LAMC2: variants seen among roughly 807,000 people sequenced by gnomAD.
LAMC2 encodes the protein laminin subunit gamma 2.
Under a neutral mutation model 140.2 loss-of-function variants are expected in LAMC2, and 97 were observed. That is an observed-to-expected ratio of 0.69 (90% CI 0.59 to 0.82). LAMC2 has a LOEUF of 0.82. Among genes scored for constraint, LAMC2 ranks in the 40% least tolerant of loss-of-function variants. The pLI is 0.00. For missense variants in LAMC2, 1,402 were observed against 1,476.1 expected (o/e 0.95, Z 0.82); for synonymous variants, 513 against 540.2 (o/e 0.95, Z 0.70).
At chr1:183,222,026 T>C (rs2102222003) in intron 5 of LAMC2, 63 bp from the exon 6 acceptor site, 2 of 1,609,222 alleles carry the variant, frequency 1.2e-6, no homozygotes, top group Non-Finnish European at 1.7e-6. Context: ...CAAATCTTTC[T>C]TTGTTTAACT....
Position 183,232,277 on chromosome 1 carries a change from G to T in LAMC2, c.1948G>T (p.Glu650Ter). Reference sequence around the variant, plus strand: ...TGGAGTAGTACCTGATACAGAGCTGGAAGGCAGGATGCAGCAGGCTGAGCA... The same window carrying T: ...TGGAGTAGTACCTGATACAGAGCTGTAAGGCAGGATGCAGCAGGCTGAGCA... Reference protein sequence around the residue: ...GDGVVPDTELEGRMQQAEQAL... With the variant: ...GDGVVPDTEL Residue 650 changes from glutamate (E) to a stop codon, truncating the protein, a stop_gained, in exon 13 of 23, where the codon GAA (glutamate) becomes TAA (stop). Coordinates refer to ENST00000264144, the MANE Select transcript of LAMC2 (RefSeq NM_005562.3). LOFTEE classifies it high-confidence loss of function. 6.2e-7 allele frequency: 1 copy of T among 1,614,088 alleles called. No individual in the cohort carries two copies.
intron 22 of LAMC2, among the ~76,000 whole-genome samples, chr1:183,241,724 C>G (rs895898990): frequency 2.0e-5 from 3 of 151,676 alleles, no homozygotes; most frequent in African/African-American, 7.3e-5. Flanking sequence ...AGTCTTGGGT[C>G]TGCTTTGTGA....
intron 7 of LAMC2, 112 bp downstream of exon 7, chr1:183,223,436 C>T (rs534501802): frequency 3.0e-6 from 3 of 1,000,782 alleles, no homozygotes; most frequent in East Asian, 5.0e-5. Context: ...TTTCTGAGCA[C>T]CTTTTACGTA....
At chr1:183,220,083 T>G (rs1198008015) in intron 4 of LAMC2, among the ~76,000 whole-genome samples, 1 of 152,244 alleles carries the variant, frequency 6.6e-6, no homozygotes, top group Admixed American at 6.5e-5. Flanking sequence ...TTATTTCATG[T>G]GGAAGGATGT....
chr1:183,201,543 G>A (rs556336421), intron 1 of LAMC2, among the ~76,000 whole-genome samples: 3 of 152,186 alleles, frequency 2.0e-5, no homozygotes, highest in Non-Finnish European at 4.4e-5. Flanking sequence ...ACTGATTCCT[G>A]TTCAAGTAGG....
At chr1:183,235,811 C>A in intron 16 of LAMC2, 81 bp downstream of exon 16, 1 of 1,416,268 alleles carries the variant, frequency 7.1e-7, no homozygotes, top group Non-Finnish European at 9.9e-7. Flanking sequence ...TTGAGGGGCA[C>A]CATGCTAGTT....
the LAMC2 span, among the ~76,000 whole-genome samples, chr1:183,258,786 GC>G: frequency 2.0e-5 from 3 of 151,776 alleles, no homozygotes; most frequent in Non-Finnish European, 4.4e-5. Context: ...TGAATTTGCG[GC>G]CCCCCACCCA....
chr1:183,243,336 TG>T lies in LAMC2; in HGVS notation c.3520del (p.Glu1174ArgfsTer63). 1 of 1,614,164 alleles carries T rather than the reference TG, an allele frequency of 6.2e-7. No homozygotes were observed. Among genetic ancestry groups the T allele is most frequent in the Non-Finnish European group, 8.5e-7 (1 of 1,180,016 alleles). ...GGGATTCTGGCTGATGTGAAGAACT[TG>T]GAGAACATTAGGGACAACCTGCCCC... ...IDGILADVKN[L>X]ENIRDNLPPG... On this transcript the variant is annotated frameshift_variant, in exon 23 of 23. Coordinates refer to ENST00000264144, the MANE Select transcript of LAMC2 (RefSeq NM_005562.3). LOFTEE classifies it high-confidence loss of function.
Position 183,226,844 on chromosome 1 carries a change from G to A in LAMC2, c.1213G>A (p.Ala405Thr). The change falls in exon 9 of 23, where the codon GCG (alanine) becomes ACG (threonine). Residue 405 changes from alanine (A) to threonine (T), a missense_variant. By Grantham distance (58) the Ala-to-Thr change is moderately conservative. Transcript: ENST00000264144. ...DCASGYKRDSARLGPFGTCIP... is the reference protein window; with the variant it reads ...DCASGYKRDSTRLGPFGTCIP... ...TGCTTCTGGCTACAAGAGAGATTCA[G>A]CGAGACTGGGGCCTTTTGGCACCTG... The A allele has an allele frequency of 6.2e-7, 1 of 1,614,218 alleles. No homozygotes were observed. Among genetic ancestry groups the A allele is most frequent in the Non-Finnish European group, 8.5e-7 (1 of 1,180,044 alleles).
At chr1:183,214,108 T>C (rs1314852440) in intron 2 of LAMC2, among the ~76,000 whole-genome samples, 1 of 151,880 alleles carries the variant, frequency 6.6e-6, no homozygotes, top group Non-Finnish European at 1.5e-5. Context: ...GTAGCTGAGG[T>C]GTACCTAGCT....
chr1:183,256,073 A>C, the LAMC2 span, among the ~76,000 whole-genome samples: 3 of 152,052 alleles, frequency 2.0e-5, no homozygotes, highest in African/African-American at 7.2e-5. Flanking sequence ...TTTTCTCCCC[A>C]TTGATTATAA....
At chr1:183,241,683 C>T (rs1660138781) in intron 22 of LAMC2, among the ~76,000 whole-genome samples, 2 of 151,992 alleles carry the variant, frequency 1.3e-5, no homozygotes. Context: ...TCATCATCAC[C>T]CTGAGATGCC....
chr1:183,209,800 C>G (rs1659016882), intron 2 of LAMC2, among the ~76,000 whole-genome samples: 1 of 152,144 alleles, frequency 6.6e-6, no homozygotes, highest in South Asian at 2.1e-4. Flanking sequence ...CTGCCTAGCA[C>G]AGAAGGATGG....
chr1:183,240,787 A>G, intron 22 of LAMC2: 2 of 699,460 alleles, frequency 2.9e-6, no homozygotes, highest in South Asian at 5.2e-5. Context: ...TCACTAGGGC[A>G]GCCGAGTGGA....
chr1:183,246,169 C>CAA (rs542775179), downstream of LAMC2, among the ~76,000 whole-genome samples: 126 of 75,626 alleles, frequency 1.7e-3, no homozygotes, highest in East Asian at 3.4e-3. Flanking sequence ...GACTCCGTCT[C>CAA]AAAAAAAAAA....
intron 17 of LAMC2, 106 bp downstream of exon 17, chr1:183,236,710 G>A: frequency 7.4e-7 from 1 of 1,343,904 alleles, no homozygotes; most frequent in African/African-American, 1.4e-5. Context: ...TCTCCATGTT[G>A]ACCATTTCTG....
rs1660170715 is a variant in LAMC2, at chr1:183,243,129, T to C, written c.3329-18T>C. On this transcript the variant is annotated intron_variant, in intron 22 of 22. Coordinates refer to ENST00000264144, the MANE Select transcript of LAMC2 (RefSeq NM_005562.3). The stretch of plus-strand genomic sequence containing the variant: ...TACAGCTTTTCTATGTTAACTTGTG[T>C]CTCATTCCTTGAAATAGACCAGCCT... The C allele has an allele frequency of 6.2e-7, 1 of 1,613,966 alleles. No homozygotes were observed. The highest frequency in any genetic ancestry group is 2.2e-5 in the East Asian group (1 of 44,890).
chr1:183,234,510 G>C lies in LAMC2; in HGVS notation c.2300+64G>C, dbSNP rs984802188. On this transcript the variant is annotated intron_variant, in intron 15 of 22. Transcript: ENST00000264144. ...TCTGCAAGGCCAGACTTGAATAAGA[G>C]TGTAGGGTATTAGGGACCCAAGCAT... 7.0e-6 allele frequency: 9 copies of C among 1,294,316 alleles called. No homozygotes were observed. The African/African-American group carries it at 8.7e-5, about 13-fold the overall frequency. 80.2% of individuals were successfully genotyped at this position (1,294,316 alleles called of 1,614,324 possible).
chr1:183,191,236 T>C (rs1239531791), intron 1 of LAMC2, among the ~76,000 whole-genome samples: 3 of 152,174 alleles, frequency 2.0e-5, no homozygotes, highest in Non-Finnish European at 4.4e-5. Context: ...TTAAAACCTC[T>C]ACCTTATATT....
Sources: allele counts gnomAD v4.1 joint callset (sites outside exome capture counted in the v4.1 genomes callset), GRCh38; gene constraint gnomAD v4.1.1; transcripts MANE v1.5; gene names NCBI Gene and HGNC (gene_info 2026-07-23, HGNC 2026-07-21).